The following SH3GL2 variants were observed in gnomAD, a reference collection of about 807,000 sequenced individuals.
The protein encoded by SH3GL2 is endophilin-A1.
A neutral mutation model predicts 46.0 loss-of-function variants in SH3GL2; 24 were observed. The observed-to-expected ratio is 0.52, with a 90% CI of 0.38 to 0.73. The LOEUF (loss-of-function observed/expected upper bound fraction) is 0.73, where lower values mean the gene tolerates loss of function less well. SH3GL2 is among the 30% of genes least tolerant of loss of function. The probability of loss-of-function intolerance (pLI) is 0.00; values close to 1 mark genes in which losing one functional copy is unlikely to be tolerated. For missense variants in SH3GL2, 413 were observed against 424.2 expected, an observed-to-expected ratio of 0.97 and a Z score of 0.23; for synonymous variants, 196 against 147.1, an observed-to-expected ratio of 1.33 and a Z score of -2.40.
chr9:17,609,675 C>G (rs1818824724), intron 1 of SH3GL2, among the ~76,000 whole-genome samples: 3 of 152,230 alleles, frequency 2.0e-5, no homozygotes, highest in Admixed American at 2.0e-4. Context: ...TAGATATGTA[C>G]TTGATACGGC....
intron 1 of SH3GL2, among the ~76,000 whole-genome samples, chr9:17,729,018 A>G (rs1822098999): frequency 6.6e-6 from 1 of 152,102 alleles, no homozygotes; most frequent in Non-Finnish European, 1.5e-5. Flanking sequence ...GTCAAATAGT[A>G]TTTTTACTTC....
chr9:17,606,744 G>T (rs1818767657), intron 1 of SH3GL2, among the ~76,000 whole-genome samples: 1 of 152,284 alleles, frequency 6.6e-6, no homozygotes, highest in Non-Finnish European at 1.5e-5. Flanking sequence ...GGGGAGTAAA[G>T]GTGAAACTTA....
chr9:17,587,099 G>C (rs1818391846), intron 1 of SH3GL2, among the ~76,000 whole-genome samples: 1 of 152,196 alleles, frequency 6.6e-6, no homozygotes, highest in Non-Finnish European at 1.5e-5. Flanking sequence ...CTACTCAGGA[G>C]GCTGAGGCAG....
At chr9:17,723,934 C>G (rs1199977715) in intron 1 of SH3GL2, among the ~76,000 whole-genome samples, 1 of 152,094 alleles carries the variant, frequency 6.6e-6, no homozygotes, top group African/African-American at 2.4e-5. Context: ...AAGAGTTTAT[C>G]TTTCAACGTT....
chr9:17,788,599 T>G (rs916948882), intron 5 of SH3GL2, among the ~76,000 whole-genome samples: 1 of 152,166 alleles, frequency 6.6e-6, no homozygotes, highest in African/African-American at 2.4e-5. Context: ...ACTACTTTGC[T>G]ACCTGGTCAC....
intron 1 of SH3GL2, among the ~76,000 whole-genome samples, chr9:17,629,115 G>T (rs1050674186): frequency 1.3e-5 from 2 of 152,090 alleles, no homozygotes; most frequent in Non-Finnish European, 2.9e-5. Flanking sequence ...CGTGGAGTTT[G>T]GTTGGCTGGG....
At chr9:17,729,281 G>A (rs10118865) in intron 1 of SH3GL2, among the ~76,000 whole-genome samples, 44,151 of 151,996 alleles carry the variant, frequency 0.29, 7,684 homozygotes, top group African/African-American at 0.47. Context: ...AAAAGTGTCT[G>A]TTTAAATCCT....
intron 1 of SH3GL2, among the ~76,000 whole-genome samples, chr9:17,582,445 A>G (rs1371689447): frequency 1.3e-5 from 2 of 152,190 alleles, no homozygotes; most frequent in Non-Finnish European, 2.9e-5. Context: ...TTCATTTTAC[A>G]AAAGTCATGT....
intron 1 of SH3GL2, among the ~76,000 whole-genome samples, chr9:17,636,137 A>T (rs1219923098): frequency 6.6e-6 from 1 of 152,190 alleles, no homozygotes; most frequent in Non-Finnish European, 1.5e-5. Context: ...GTGCTTATGT[A>T]TGGAATATTA....
intron 1 of SH3GL2, among the ~76,000 whole-genome samples, chr9:17,686,444 T>TAA (rs1237674188): frequency 1.4e-5 from 2 of 140,842 alleles, no homozygotes; most frequent in African/African-American, 2.6e-5. Flanking sequence ...ACTGGGTATA[T>TAA]ACCCAAAGGA....
chr9:17,724,182 C>G (rs1053872767), intron 1 of SH3GL2, among the ~76,000 whole-genome samples: 6 of 152,064 alleles, frequency 3.9e-5, no homozygotes, highest in South Asian at 4.1e-4. Context: ...TTTATTTCCT[C>G]TCTGTTCTTT....
intron 3 of SH3GL2, among the ~76,000 whole-genome samples, chr9:17,783,703 A>T (rs1823876183): frequency 6.6e-6 from 1 of 152,152 alleles, no homozygotes; most frequent in Non-Finnish European, 1.5e-5. Flanking sequence ...GGAATAGGTC[A>T]GCCTTTTATG....
chr9:17,751,092 G>A (rs1292644094), intron 2 of SH3GL2, among the ~76,000 whole-genome samples: 1 of 152,168 alleles, frequency 6.6e-6, no homozygotes, highest in African/African-American at 2.4e-5. Context: ...GAAAATTATT[G>A]TGGGAAATCC....
At chr9:17,689,744 C>G (rs769007075) in intron 1 of SH3GL2, among the ~76,000 whole-genome samples, 2 of 152,104 alleles carry the variant, frequency 1.3e-5, no homozygotes, top group African/African-American at 2.4e-5. Context: ...GCAAATACCA[C>G]CTCATTAGAA....
intron 1 of SH3GL2, among the ~76,000 whole-genome samples, chr9:17,594,530 G>C (rs539134440): frequency 3.3e-5 from 5 of 152,122 alleles, no homozygotes; most frequent in African/African-American, 7.2e-5. Context: ...GCTAATGCAT[G>C]TGGGGCTTAA....
At chr9:17,771,659 C>T (rs373090523) in intron 3 of SH3GL2, among the ~76,000 whole-genome samples, 35 of 152,282 alleles carry the variant, frequency 2.3e-4, no homozygotes, top group African/African-American at 7.2e-4. Flanking sequence ...CTCTGTGAGA[C>T]CTGTGTTGGC....
chr9:17,700,900 C>G (rs751752888), intron 1 of SH3GL2, among the ~76,000 whole-genome samples: 2 of 152,130 alleles, frequency 1.3e-5, no homozygotes, highest in Admixed American at 1.3e-4. Flanking sequence ...CTAAATAGAA[C>G]CATATCAGAG....
intron 3 of SH3GL2, among the ~76,000 whole-genome samples, chr9:17,772,813 A>G (rs1366717703): frequency 6.6e-6 from 1 of 152,214 alleles, no homozygotes; most frequent in Non-Finnish European, 1.5e-5. Context: ...ATGAGTATAC[A>G]AATATCACTC....
At chr9:17,778,663 C>T (rs1013805562) in intron 3 of SH3GL2, among the ~76,000 whole-genome samples, 11 of 151,990 alleles carry the variant, frequency 7.2e-5, no homozygotes, top group Non-Finnish European at 1.3e-4. Flanking sequence ...AGGGGGCAAG[C>T]GTGGAAGCAG....
Sources: allele counts gnomAD v4.1 joint callset (sites outside exome capture counted in the v4.1 genomes callset), GRCh38; gene constraint gnomAD v4.1.1; transcripts MANE v1.5; gene names NCBI Gene and HGNC (gene_info 2026-07-23, HGNC 2026-07-21).